Variants in CNTNAP2 observed in about 807,000 individuals in gnomAD.
CNTNAP2 encodes contactin associated protein 2.
A neutral mutation model predicts 155.2 loss-of-function variants in CNTNAP2; 98 were observed. The observed-to-expected ratio is 0.63, with a 90% CI of 0.54 to 0.75. The LOEUF is 0.75. CNTNAP2 is among the 30% of genes least tolerant of loss of function. CNTNAP2 has a pLI of 0.00. For missense variants in CNTNAP2, 1,727 were observed against 1,688.1 expected (o/e 1.02, Z -0.40); for synonymous variants, 651 against 631.2 (o/e 1.03, Z -0.47).
At chr7:148,304,236 G>C (rs778717973) in intron 21 of CNTNAP2, among the ~76,000 whole-genome samples, 2 of 151,316 alleles carry the variant, frequency 1.3e-5, no homozygotes, top group Non-Finnish European at 2.9e-5. Flanking sequence ...ACACATCAAA[G>C]AAGGGAGGTG....
chr7:148,015,205 T>C (rs1802155875), intron 15 of CNTNAP2, among the ~76,000 whole-genome samples: 1 of 152,060 alleles, frequency 6.6e-6, no homozygotes, highest in South Asian at 2.1e-4. Context: ...GAACATTACA[T>C]AGTATTTTTT....
intron 14 of CNTNAP2, among the ~76,000 whole-genome samples, chr7:147,909,561 A>G (rs1800024245): frequency 2.0e-5 from 3 of 152,088 alleles, no homozygotes; most frequent in African/African-American, 7.2e-5. Context: ...GTTATTTCTG[A>G]GATTGAATGT....
intron 13 of CNTNAP2, among the ~76,000 whole-genome samples, chr7:147,705,437 A>G (rs1273941907): frequency 2.6e-5 from 4 of 152,098 alleles, no homozygotes; most frequent in Non-Finnish European, 1.5e-5. Context: ...TTGATTTTTA[A>G]AAGTTTCTTC....
At chr7:148,330,781 G>C (rs1234699956) in intron 21 of CNTNAP2, among the ~76,000 whole-genome samples, 12 of 127,286 alleles carry the variant, frequency 9.4e-5, no homozygotes, top group Non-Finnish European at 2.0e-4. Context: ...AGATGGAGTT[G>C]ATGGATGGAA....
intron 1 of CNTNAP2, among the ~76,000 whole-genome samples, chr7:146,539,475 T>C (rs1236313586): frequency 6.6e-6 from 1 of 151,928 alleles, no homozygotes; most frequent in Non-Finnish European, 1.5e-5. Flanking sequence ...CTGCAAATGA[T>C]GGTAAAATGG....
intron 1 of CNTNAP2, among the ~76,000 whole-genome samples, chr7:146,303,072 ATGTGTGTG>A (rs60828609): frequency 0.089 from 12,131 of 136,402 alleles, 976 homozygotes; most frequent in African/African-American, 0.21. Flanking sequence ...CTTTGTGTGC[ATGTGTGTG>A]TGTGTGTGTG....
At chr7:147,295,988 C>T (rs894377660) in intron 8 of CNTNAP2, among the ~76,000 whole-genome samples, 2 of 151,962 alleles carry the variant, frequency 1.3e-5, no homozygotes, top group Admixed American at 6.6e-5. Flanking sequence ...AATAATAGAC[C>T]TTTTGCCATG....
At chr7:146,230,650 G>T (rs889124970) in intron 1 of CNTNAP2, among the ~76,000 whole-genome samples, 1 of 152,102 alleles carries the variant, frequency 6.6e-6, no homozygotes, top group African/African-American at 2.4e-5. Context: ...TCCACTATTT[G>T]TTATCTATAG....
At chr7:146,302,129 A>C (rs1315755759) in intron 1 of CNTNAP2, among the ~76,000 whole-genome samples, 6 of 152,160 alleles carry the variant, frequency 3.9e-5, no homozygotes, top group African/African-American at 1.2e-4. Context: ...TGATAGGACA[A>C]ATATTTTCTG....
At chr7:147,889,824 A>G (rs1799657974) in intron 13 of CNTNAP2, among the ~76,000 whole-genome samples, 1 of 152,230 alleles carries the variant, frequency 6.6e-6, no homozygotes, top group Non-Finnish European at 1.5e-5. Flanking sequence ...CAACCCAGAT[A>G]GGATTAAATA....
At chr7:146,501,355 G>A (rs1797297671) in intron 1 of CNTNAP2, among the ~76,000 whole-genome samples, 1 of 151,806 alleles carries the variant, frequency 6.6e-6, no homozygotes, top group Admixed American at 6.6e-5. Context: ...AGTTTCTGTT[G>A]TGGAAATTTT....
At chr7:148,035,593 G>T (rs138937553) in intron 15 of CNTNAP2, among the ~76,000 whole-genome samples, 1 of 152,180 alleles carries the variant, frequency 6.6e-6, no homozygotes, top group African/African-American at 2.4e-5. Flanking sequence ...GTGGGGCCAT[G>T]GTAGCCTCTA....
chr7:147,518,497 C>T (rs1799171515), intron 11 of CNTNAP2, among the ~76,000 whole-genome samples: 1 of 152,164 alleles, frequency 6.6e-6, no homozygotes, highest in South Asian at 2.1e-4. Context: ...CATGTACATA[C>T]AGATGCTATG....
intron 1 of CNTNAP2, among the ~76,000 whole-genome samples, chr7:146,696,475 C>T (rs569628170): frequency 3.9e-4 from 60 of 152,198 alleles, no homozygotes; most frequent in African/African-American, 1.4e-3. Flanking sequence ...AGAACACTAG[C>T]TTTTGGTTTC....
intron 10 of CNTNAP2, among the ~76,000 whole-genome samples, chr7:147,416,444 T>C (rs940996839): frequency 7.2e-5 from 11 of 152,286 alleles, no homozygotes; most frequent in African/African-American, 2.6e-4. Context: ...GCAGACTTAG[T>C]TGGGTTTTTG....
At chr7:146,261,673 A>G (rs541483938) in intron 1 of CNTNAP2, among the ~76,000 whole-genome samples, 1 of 152,218 alleles carries the variant, frequency 6.6e-6, no homozygotes, top group African/African-American at 2.4e-5. Flanking sequence ...CAAAATTCTG[A>G]TAACTCATAT....
chr7:146,439,411 A>C (rs1330938077), intron 1 of CNTNAP2, among the ~76,000 whole-genome samples: 1 of 151,360 alleles, frequency 6.6e-6, no homozygotes, highest in Non-Finnish European at 1.5e-5. Context: ...TTTTTCCCTT[A>C]AGTATGAATA....
intron 4 of CNTNAP2, among the ~76,000 whole-genome samples, chr7:147,100,074 G>A (rs184943573): frequency 7.1e-4 from 108 of 152,128 alleles, no homozygotes; most frequent in South Asian, 3.9e-3. Context: ...TATCTTGTGG[G>A]TAATGAGTGG....
Position 146,542,600 on chromosome 7 carries a change from C to T in CNTNAP2, c.98-231671C>T, listed in dbSNP as rs547969930. 8.8e-3 allele frequency among the ~76,000 whole-genome samples: 1,345 copies of T among 151,990 alleles called. 27 individuals carry two copies. Among genetic ancestry groups the T allele is most frequent in the African/African-American group, 0.031 (1,300 of 41,496 alleles). ...CCCTGACTCTCTCCTTTAGAGACCC[C>T]CCCTTACTTCCTGTGATATGCATTC... is the stretch of plus-strand genomic sequence containing the variant. On this transcript the variant is annotated intron_variant, in intron 1 of 23. Transcript: ENST00000361727.
Sources: gnomAD v4.1 joint callset for allele counts (sites outside exome capture counted in the v4.1 genomes callset) on GRCh38, gnomAD v4.1.1 for gene constraint, MANE v1.5 for transcripts, NCBI Gene and HGNC (gene_info 2026-07-23, HGNC 2026-07-21) for gene names.